Variants in ITGBL1 observed in about 807,000 individuals in gnomAD.
The protein encoded by ITGBL1 is integrin subunit beta like 1.
ITGBL1 carries 51 observed loss-of-function variants against 68.5 expected under a neutral mutation model. That is an observed-to-expected ratio of 0.74 (90% confidence interval 0.59 to 0.94). ITGBL1 has a LOEUF of 0.94. Ranked by LOEUF, ITGBL1 falls within the 40% of genes least tolerant of loss-of-function variation. The pLI is 0.00. For synonymous variants in ITGBL1, 209 were observed against 227.3 expected (o/e 0.92, Z 0.72); for missense variants, 649 against 647.4 (o/e 1.00, Z -0.03).
chr13:101,697,580 C>G (rs1167597872), intron 8 of ITGBL1, among the ~76,000 whole-genome samples: 1 of 152,174 alleles, frequency 6.6e-6, no homozygotes, highest in Non-Finnish European at 1.5e-5. Flanking sequence ...TGTATTCAGA[C>G]AGACCAGGAT....
intron 2 of ITGBL1, among the ~76,000 whole-genome samples, chr13:101,501,031 A>C (rs892041768): frequency 2.0e-5 from 3 of 152,234 alleles, no homozygotes; most frequent in African/African-American, 7.2e-5. Flanking sequence ...GTAAAGGGAT[A>C]TATAACTTAG....
At chr13:101,477,449 C>T (rs982719236) in intron 2 of ITGBL1, among the ~76,000 whole-genome samples, 2 of 151,672 alleles carry the variant, frequency 1.3e-5, no homozygotes, top group African/African-American at 4.8e-5. Context: ...AAGAACAAAC[C>T]AAACCCCAAA....
At chr13:101,598,505 T>TACATGTGCCATGATG (rs2030135288) in intron 7 of ITGBL1, among the ~76,000 whole-genome samples, 1 of 152,150 alleles carries the variant, frequency 6.6e-6, no homozygotes, top group Non-Finnish European at 1.5e-5. Context: ...TACATATGTA[T>TACATGTGCCATGATG]ACATGTGCCA....
intron 7 of ITGBL1, among the ~76,000 whole-genome samples, chr13:101,674,865 A>G (rs1338777982): frequency 6.6e-6 from 1 of 151,820 alleles, no homozygotes; most frequent in Non-Finnish European, 1.5e-5. Flanking sequence ...GATTTACCCT[A>G]TATTTGCTTT....
rs568604150 is a variant in ITGBL1, at chr13:101,689,953, T to C, written c.1016-2632T>C. ...TTGTGCTACCAAACAGTACGTCTTATTCTATTTTTGGTGCCCATCCTAATA... is the reference window on the plus strand; with the variant it reads ...TTGTGCTACCAAACAGTACGTCTTACTCTATTTTTGGTGCCCATCCTAATA... On this transcript the variant is annotated intron_variant, in intron 7 of 10. Transcript: ENST00000376180. 9.9e-4 allele frequency among the ~76,000 whole-genome samples: 151 copies of C among 152,366 alleles called. 3 individuals carry two copies. In the South Asian group the frequency reaches 0.03, roughly 30 times the overall value.
intron 7 of ITGBL1, among the ~76,000 whole-genome samples, chr13:101,607,690 C>T (rs1408458273): frequency 1.3e-5 from 2 of 151,972 alleles, no homozygotes; most frequent in Non-Finnish European, 2.9e-5. Flanking sequence ...CAGGTGTGCT[C>T]TCCTGCCGGG....
chr13:101,666,065 A>G (rs2033208485), intron 7 of ITGBL1, among the ~76,000 whole-genome samples: 1 of 152,084 alleles, frequency 6.6e-6, no homozygotes, highest in African/African-American at 2.4e-5. Context: ...GTAGTTTACT[A>G]TGCTATGTTA....
At position 101,693,612 on chromosome 13, in the gene ITGBL1, ATCTG is replaced by A. The variant is rs201318111; in HGVS notation, c.1132+923_1132+926del. Among the ~76,000 whole-genome samples the A allele has an allele frequency of 4.0e-3, 554 of 137,888 alleles. 3 individuals are homozygous for A. The highest frequency in any genetic ancestry group is 0.027 in the East Asian group (123 of 4,518). 90.5% of individuals were successfully genotyped at this position (137,888 alleles called of 152,430 possible). ...GGCTGAGGCACCATCCATCCATCCT[ATCTG>A]TCTGTCTGTCTATCTATCTATCTAT... On this transcript the variant is annotated intron_variant, in intron 8 of 10. Transcript: ENST00000376180.
At chr13:101,552,423 G>A (rs906140791) in intron 2 of ITGBL1, among the ~76,000 whole-genome samples, 3 of 152,064 alleles carry the variant, frequency 2.0e-5, no homozygotes, top group Admixed American at 6.5e-5. Flanking sequence ...GCTACTTCAC[G>A]AGTTATGAAG....
At chr13:101,474,242 G>A (rs1216081036) in intron 2 of ITGBL1, among the ~76,000 whole-genome samples, 1 of 152,016 alleles carries the variant, frequency 6.6e-6, no homozygotes, top group Non-Finnish European at 1.5e-5. Flanking sequence ...GAGAGACCAA[G>A]GCCTGGTAGC....
intron 7 of ITGBL1, among the ~76,000 whole-genome samples, chr13:101,642,828 C>T (rs866652107): frequency 1.3e-5 from 2 of 152,028 alleles, no homozygotes; most frequent in Non-Finnish European, 2.9e-5. Context: ...GGAATCCTTT[C>T]CCCATTGCTT....
At chr13:101,692,005 T>C (rs1213180544) in intron 7 of ITGBL1, among the ~76,000 whole-genome samples, 1 of 152,190 alleles carries the variant, frequency 6.6e-6, no homozygotes, top group Admixed American at 6.5e-5. Flanking sequence ...CAAAAATATT[T>C]ATAATTTTAA....
In ITGBL1 at chr13:101,715,338, T is replaced by C. The variant is rs1313563295; in HGVS notation, c.1394-225T>C. On this transcript the variant is annotated intron_variant, in intron 10 of 10. Coordinates refer to ENST00000376180, the MANE Select transcript of ITGBL1 (RefSeq NM_004791.3). The stretch of plus-strand genomic sequence containing the variant: ...CTGGAGTGATACAGGATGGTGACTA[T>C]CTGATCGGTAAAGGGTGGCACCAAA... 3.3e-5 allele frequency: 17 copies of C among 508,856 alleles called. No homozygotes were observed. The Admixed American group carries it at 5.4e-4, about 16-fold the overall frequency. 31.5% of individuals were successfully genotyped at this position (508,856 alleles called of 1,614,324 possible). A position where few individuals can be genotyped will look rare whatever the true frequency, so the allele number is the denominator to read the frequency against.
At chr13:101,688,773 A>G (rs2033813479) in intron 7 of ITGBL1, among the ~76,000 whole-genome samples, 1 of 152,238 alleles carries the variant, frequency 6.6e-6, no homozygotes, top group South Asian at 2.1e-4. Flanking sequence ...TTGGAAATGA[A>G]TATCTATTCT....
intron 2 of ITGBL1, among the ~76,000 whole-genome samples, chr13:101,543,872 C>T (rs918125101): frequency 5.9e-5 from 9 of 152,292 alleles, no homozygotes; most frequent in South Asian, 2.1e-4. Context: ...GCATTTGTCA[C>T]GTAGTTCTCG....
At chr13:101,587,236 T>C (rs140659747) in intron 6 of ITGBL1, among the ~76,000 whole-genome samples, 241 of 152,332 alleles carry the variant, frequency 1.6e-3, no homozygotes, top group Non-Finnish European at 2.3e-3. Context: ...ATCATGAATA[T>C]AGGGAACACA....
chr13:101,490,554 C>T (rs1425024042), intron 2 of ITGBL1, among the ~76,000 whole-genome samples: 2 of 152,102 alleles, frequency 1.3e-5, no homozygotes, highest in East Asian at 3.9e-4. Context: ...CAGTAAGTAG[C>T]CATTAATTCT....
chr13:101,627,787 C>A (rs907819417), intron 7 of ITGBL1, among the ~76,000 whole-genome samples: 2 of 152,164 alleles, frequency 1.3e-5, no homozygotes, highest in Non-Finnish European at 2.9e-5. Flanking sequence ...GAGCTCACTT[C>A]TTTTTATTGC....
At chr13:101,590,550 C>A (rs1416258980) in intron 6 of ITGBL1, among the ~76,000 whole-genome samples, 1 of 152,168 alleles carries the variant, frequency 6.6e-6, no homozygotes, top group African/African-American at 2.4e-5. Flanking sequence ...AGCCATTAAA[C>A]TTTCAAGAGT....
Sources: allele counts gnomAD v4.1 joint callset (sites outside exome capture counted in the v4.1 genomes callset), GRCh38; gene constraint gnomAD v4.1.1; transcripts MANE v1.5; gene names NCBI Gene and HGNC (gene_info 2026-07-23, HGNC 2026-07-21).